XIRP2: variants seen among roughly 807,000 people sequenced by gnomAD.
XIRP2 encodes the protein xin actin binding repeat containing 2.
Under a neutral mutation model 277.0 loss-of-function variants are expected in XIRP2, and 236 were observed. The observed-to-expected ratio is 0.85, with a 90% CI of 0.77 to 0.95. XIRP2 has a LOEUF of 0.95. Ranked by LOEUF, XIRP2 falls within the 40% of genes least tolerant of loss-of-function variation. The pLI is 0.00. For missense variants in XIRP2, 4,640 were observed against 4,157.5 expected (o/e 1.12, Z -3.19); for synonymous variants, 1,490 against 1,416.5 (o/e 1.05, Z -1.17).
intron 2 of XIRP2, among the ~76,000 whole-genome samples, chr2:166,996,626 C>A (rs1310813862): frequency 6.6e-6 from 1 of 151,938 alleles, no homozygotes; most frequent in Non-Finnish European, 1.5e-5. Flanking sequence ...GACTTTTTCC[C>A]AAAAAATAAA....
Position 167,237,683 on chromosome 2 carries a change from G to A in XIRP2, c.859-2172G>A, listed in dbSNP as rs151120036. 1.3e-4 allele frequency among the ~76,000 whole-genome samples: 20 copies of A among 152,296 alleles called. No individual in the cohort carries two copies. The East Asian group carries it at 3.1e-3, about 24-fold the overall frequency. ...TCCCCAGGCCTCAGCGGGCATGTAG[G>A]CCTCTAGGCGGAGACATGATTCTAT... On this transcript the variant is annotated intron_variant, in intron 5 of 10. Coordinates refer to ENST00000409195, the MANE Select transcript of XIRP2 (RefSeq NM_152381.6).
chr2:167,249,850 G>A lies in XIRP2; in HGVS notation c.8458G>A (p.Glu2820Lys). 22 of 1,613,184 alleles carry A rather than the reference G, an allele frequency of 1.4e-5. No homozygotes were observed. Among genetic ancestry groups the A allele is most frequent in the Non-Finnish European group, 1.9e-5 (22 of 1,179,636 alleles). ...CAGAGGGAAACTTCCAGGAAGTGAA[G>A]AAAAAAATCAGGGACCATCAATGAT... ...SDRGKLPGSEEKNQGPSMIGR... is the reference protein window; with the variant it reads ...SDRGKLPGSEKKNQGPSMIGR... Residue 2820 changes from glutamate to lysine, a missense_variant, in exon 9 of 11, where the codon GAA (glutamate) becomes AAA (lysine). Glu to Lys is a moderately conservative substitution (Grantham distance 56). Transcript: ENST00000409195.
rs77571830 is a variant in XIRP2, at chr2:167,063,952, T to A, written c.409-71957T>A. On this transcript the variant is annotated intron_variant, in intron 2 of 10. Coordinates refer to ENST00000409195, the MANE Select transcript of XIRP2 (RefSeq NM_152381.6). ...TATCTATATTAGTATAATATCTACA[T>A]TTAGTGTACTATCAATGATTACAAT... 3.6e-3 allele frequency among the ~76,000 whole-genome samples: 540 copies of A among 151,828 alleles called. 29 individuals are homozygous for A. The East Asian group carries it at 0.093, about 26-fold the overall frequency.
At chr2:166,926,403 A>G (rs1685190047) in intron 2 of XIRP2, among the ~76,000 whole-genome samples, 2 of 152,236 alleles carry the variant, frequency 1.3e-5, no homozygotes, top group South Asian at 2.1e-4. Context: ...AATAGTGACC[A>G]TTACAATTTC....
chr2:167,086,658 C>T (rs1689954204), intron 2 of XIRP2, among the ~76,000 whole-genome samples: 1 of 151,932 alleles, frequency 6.6e-6, no homozygotes, highest in Non-Finnish European at 1.5e-5. Flanking sequence ...ATTGTTTTTT[C>T]TCTAAACTTC....
chr2:167,139,490 T>G (rs1574289932), intron 3 of XIRP2, among the ~76,000 whole-genome samples: 1 of 152,174 alleles, frequency 6.6e-6, no homozygotes, highest in Admixed American at 6.5e-5. Flanking sequence ...CTGCTGTATT[T>G]CTCTTTTTAT....
intron 2 of XIRP2, among the ~76,000 whole-genome samples, chr2:167,073,437 A>C (rs1574226452): frequency 6.6e-6 from 1 of 152,268 alleles, no homozygotes; most frequent in Admixed American, 6.5e-5. Flanking sequence ...TTTTGTAAGA[A>C]AATCCTATGG....
rs545943542 is a variant in XIRP2 at position 167,185,620 on chromosome 2, G to A, written c.563-25115G>A. On this transcript the variant is annotated intron_variant, in intron 3 of 10. Transcript: ENST00000409195. Reference sequence around the variant, plus strand: ...TTTAAAAAGAGTAAAATCACCATAAGCATCATTAGCAACTATATGCAAATA... The same window carrying A: ...TTTAAAAAGAGTAAAATCACCATAAACATCATTAGCAACTATATGCAAATA... Among the ~76,000 whole-genome samples, 5 of 152,008 alleles carry A rather than the reference G, an allele frequency of 3.3e-5. No homozygotes were observed. The South Asian group carries it at 6.2e-4, about 19-fold the overall frequency.
rs1691533226 is a variant in XIRP2, at chr2:167,135,896, T to C, written c.409-13T>C. ...TAGCTTTTAACATACAACCCTTTAA[T>C]GTCTTGTAACAGGAAGTGGAAATTG... On this transcript the variant is annotated splice_polypyrimidine_tract_variant and intron_variant, in intron 2 of 10. Coordinates refer to ENST00000409195, the MANE Select transcript of XIRP2 (RefSeq NM_152381.6). 1 of 1,585,466 alleles carries C rather than the reference T, an allele frequency of 6.3e-7. No homozygotes were observed.
At chr2:167,026,519 C>T (rs1350539102) in intron 2 of XIRP2, among the ~76,000 whole-genome samples, 1 of 152,090 alleles carries the variant, frequency 6.6e-6, no homozygotes, top group Admixed American at 6.6e-5. Flanking sequence ...GGTTATTTTG[C>T]TCATTAGTTG....
chr2:167,214,226 G>GAGGAAGGAAGGAAGGAAGGAAGGAAGGA (rs1295438859), intron 4 of XIRP2, among the ~76,000 whole-genome samples: 1 of 67,294 alleles, frequency 1.5e-5, no homozygotes, highest in Non-Finnish European at 2.5e-5. Context: ...GGGAGGGAGG[G>GAGGAAGGAAGGAAGGAAGGAAGGAAGGA]AGGAAGGAAG....
At chr2:167,208,370 G>C (rs1192689464) in intron 3 of XIRP2, among the ~76,000 whole-genome samples, 1 of 152,058 alleles carries the variant, frequency 6.6e-6, no homozygotes, top group Admixed American at 6.6e-5. Flanking sequence ...GCGGTGGCGC[G>C]ATCTTGGCTT....
chr2:167,185,477 A>G (rs1034055745), intron 3 of XIRP2, among the ~76,000 whole-genome samples: 12 of 150,462 alleles, frequency 8.0e-5, no homozygotes, highest in African/African-American at 2.7e-4. Context: ...AAGAAAAGTT[A>G]TCATGAGTGA....
At chr2:167,215,737 G>A (rs7573953) in intron 4 of XIRP2, among the ~76,000 whole-genome samples, 80 of 151,968 alleles carry the variant, frequency 5.3e-4, no homozygotes, top group African/African-American at 1.6e-3. Flanking sequence ...AGAATCTTCC[G>A]GGAGGAGGGA....
intron 2 of XIRP2, among the ~76,000 whole-genome samples, chr2:166,935,975 G>A (rs1200528922): frequency 2.6e-5 from 4 of 152,192 alleles, no homozygotes; most frequent in Admixed American, 2.0e-4. Context: ...CTAGATCCTT[G>A]AGGAATCGCC....
intron 2 of XIRP2, among the ~76,000 whole-genome samples, chr2:166,908,097 C>A (rs1214321375): frequency 1.3e-5 from 2 of 152,076 alleles, no homozygotes; most frequent in Non-Finnish European, 2.9e-5. Flanking sequence ...GTCTTTATAG[C>A]AGCATGATTT....
At chr2:167,147,636 G>C (rs1691897956) in intron 3 of XIRP2, among the ~76,000 whole-genome samples, 1 of 152,196 alleles carries the variant, frequency 6.6e-6, no homozygotes, top group Non-Finnish European at 1.5e-5. Context: ...TTGTTGGTGA[G>C]AGAATTAAAG....
At chr2:167,136,499 C>A (rs373800958) in intron 3 of XIRP2, among the ~76,000 whole-genome samples, 2 of 152,242 alleles carry the variant, frequency 1.3e-5, no homozygotes, top group African/African-American at 4.8e-5. Context: ...GACAATTAAA[C>A]TAAACTTGCA....
Position 167,246,926 on chromosome 2 carries a change from T to C in XIRP2, c.5534T>C (p.Leu1845Pro). 6.2e-7 allele frequency: 1 copy of C among 1,613,342 alleles called. No individual in the cohort carries two copies. Among genetic ancestry groups the C allele is most frequent in the Non-Finnish European group, 8.5e-7 (1 of 1,179,772 alleles). ...EIIKGDLTSTLNSLSQAVNQK... is the reference protein window; with the variant it reads ...EIIKGDLTSTPNSLSQAVNQK... ...ATAAAAGGTGATTTGACATCAACCC[T>C]AAATTCCCTCAGCCAGGCTGTAAAT... The change falls in exon 9 of 11, where the codon CTA (leucine) becomes CCA (proline). Residue 1845 changes from leucine to proline, a missense_variant. By Grantham distance (98) the Leu-to-Pro change is moderately conservative. Transcript: ENST00000409195.
Sources: gnomAD v4.1 joint callset for allele counts (sites outside exome capture counted in the v4.1 genomes callset) on GRCh38, gnomAD v4.1.1 for gene constraint, MANE v1.5 for transcripts, NCBI Gene and HGNC (gene_info 2026-07-23, HGNC 2026-07-21) for gene names.